The following SERPINA10 variants were observed in gnomAD, a reference collection of about 807,000 sequenced individuals.
SERPINA10 encodes the protein protein Z-dependent protease inhibitor.
Under a neutral mutation model 28.0 loss-of-function variants are expected in SERPINA10, and 24 were observed. That is an observed-to-expected ratio of 0.86 (90% CI 0.62 to 1.20). The LOEUF is 1.20. SERPINA10 is among the 50% of genes most tolerant of loss of function. The pLI is 0.00. For synonymous variants in SERPINA10, 207 were observed against 203.9 expected (o/e 1.02, Z -0.13); for missense variants, 521 against 537.7 (o/e 0.97, Z 0.31).
In SERPINA10 at chr14:94,282,137, G is replaced by A. The variant is rs1397391689; in HGVS notation, c.*1828C>T. On this transcript the variant is annotated 3_prime_UTR_variant, in exon 5 of 5. Coordinates refer to ENST00000261994, the MANE Select transcript of SERPINA10 (RefSeq NM_001100607.3). ...TTTATTAATATGCAGTCTAAATACT[G>A]ACTTTTCATCAGTCCAGGTTATGGA... 6.6e-6 allele frequency: 1 copy of A among 151,558 alleles called. No homozygotes were observed. Among genetic ancestry groups the A allele is most frequent in the African/African-American group, 2.4e-5 (1 of 41,186 alleles). 9.4% of individuals were successfully genotyped at this position (151,558 alleles called of 1,614,324 possible).
Position 94,282,728 on chromosome 14 carries a change from A to G in SERPINA10, c.*1237T>C, listed in dbSNP as rs991305223. ...CCATGAAGGTGTTTTGCTTATTGCCATATGCTAGACATATAACTTTGAAGC... is the reference window on the plus strand; with the variant it reads ...CCATGAAGGTGTTTTGCTTATTGCCGTATGCTAGACATATAACTTTGAAGC... On this transcript the variant is annotated 3_prime_UTR_variant, in exon 5 of 5. Transcript: ENST00000261994. 6.6e-6 allele frequency: 1 copy of G among 152,254 alleles called. No homozygotes were observed. Among genetic ancestry groups the G allele is most frequent in the Non-Finnish European group, 1.5e-5 (1 of 68,052 alleles). 9.4% of individuals were successfully genotyped at this position (152,254 alleles called of 1,614,324 possible).
At position 94,282,210 on chromosome 14, in the gene SERPINA10, T is replaced by G. The variant is rs1269855594; in HGVS notation, c.*1755A>C. The G allele has an allele frequency of 6.6e-6, 1 of 152,030 alleles. No individual in the cohort carries two copies. Among genetic ancestry groups the G allele is most frequent in the East Asian group, 1.9e-4 (1 of 5,144 alleles). The allele number at this position is 152,030 out of a possible 1,614,324, so 9.4% of individuals were successfully genotyped here. A position where few individuals can be genotyped will look rare whatever the true frequency, so the allele number is the denominator to read the frequency against. On this transcript the variant is annotated 3_prime_UTR_variant, in exon 5 of 5. Coordinates refer to ENST00000261994, the MANE Select transcript of SERPINA10 (RefSeq NM_001100607.3). ...ACTGCATATTAATATTATTACCTATTCACATTACTCTGAATTATATTAAAC... is the reference window on the plus strand; with the variant it reads ...ACTGCATATTAATATTATTACCTATGCACATTACTCTGAATTATATTAAAC...
intron 4 of SERPINA10, 28 bp from the exon 5 acceptor site, chr14:94,284,184 C>G (rs752684009): frequency 6.3e-7 from 1 of 1,597,110 alleles, no homozygotes; most frequent in Non-Finnish European, 8.6e-7. Flanking sequence ...TGTGAAAAAC[C>G]ATTTGTGTGG....
In SERPINA10 at chr14:94,282,007, A is replaced by G. The variant is rs1259925521; in HGVS notation, c.*1958T>C. ...ACAAACAAGGTGACTTAAGAATGTC[A>G]GATAGAGTTAGTCCTCTGTCTTTGG... is the stretch of plus-strand genomic sequence containing the variant. On this transcript the variant is annotated 3_prime_UTR_variant, in exon 5 of 5. Coordinates refer to ENST00000261994, the MANE Select transcript of SERPINA10 (RefSeq NM_001100607.3). 6.6e-6 allele frequency: 1 copy of G among 152,602 alleles called. No individual in the cohort carries two copies. Among genetic ancestry groups the G allele is most frequent in the Non-Finnish European group, 1.5e-5 (1 of 68,030 alleles). The allele number at this position is 152,602 out of a possible 1,614,324, so 9.5% of individuals were successfully genotyped here.
At chr14:94,286,382 G>C in intron 3 of SERPINA10, 124 bp from the exon 4 acceptor site, 1 of 1,043,002 alleles carries the variant, frequency 9.6e-7, no homozygotes, top group South Asian at 1.3e-5. Flanking sequence ...TGACTATGTA[G>C]TTCATGCCAT....
At chr14:94,292,464 T>A in intron 1 of SERPINA10, 1 of 619,794 alleles carries the variant, frequency 1.6e-6, no homozygotes, top group South Asian at 1.8e-5. Flanking sequence ...GCTAAAACGA[T>A]TACGTGGCAT....
intron 3 of SERPINA10, 132 bp from the exon 4 acceptor site, chr14:94,286,390 C>A (rs1158744334): frequency 1.0e-6 from 1 of 967,192 alleles, no homozygotes; most frequent in African/African-American, 1.6e-5. Flanking sequence ...TAGTTCATGC[C>A]ATTCTTTTAC....
chr14:94,286,257 T>C lies in SERPINA10; in HGVS notation c.994A>G (p.Asn332Asp). The C allele has an allele frequency of 6.2e-7, 1 of 1,613,758 alleles. No homozygotes were observed. Among genetic ancestry groups the C allele is most frequent in the Non-Finnish European group, 8.5e-7 (1 of 1,180,010 alleles). ...ETWLRNMKTR[N>D]MEVFFPKFKL... The stretch of plus-strand genomic sequence containing the variant: ...AACTTCGGAAAGAAAACTTCCATGT[T>C]TCTGTGGTACAAGAACAGATGATGG... Residue 332 changes from asparagine to aspartate, a missense_variant and splice_region_variant, in exon 4 of 5, where the codon AAC becomes GAC. Coordinates refer to ENST00000261994, the MANE Select transcript of SERPINA10 (RefSeq NM_001100607.3).
rs1334128807 is a variant in SERPINA10 at position 94,282,234 on chromosome 14, A to G, written c.*1731T>C. ...TTCACATTACTCTGAATTATATTAA[A>G]CAACTAATCAATAAATGAATTTTAG... is the stretch of plus-strand genomic sequence containing the variant. On this transcript the variant is annotated 3_prime_UTR_variant, in exon 5 of 5. Transcript: ENST00000261994. 6.6e-6 allele frequency: 1 copy of G among 152,056 alleles called. No homozygotes were observed. The highest frequency in any genetic ancestry group is 2.4e-5 in the African/African-American group (1 of 41,410). The allele number at this position is 152,056 out of a possible 1,614,324, so 9.4% of individuals were successfully genotyped here.
At position 94,283,848 on chromosome 14, in the gene SERPINA10, A is replaced by T; in HGVS notation, c.*117T>A. On this transcript the variant is annotated 3_prime_UTR_variant, in exon 5 of 5. Transcript: ENST00000261994. ...CTGTATTTATTTGAGAACACCCTAA[A>T]CTAGTTAAGAACAAAAGGAACACTC... is the stretch of plus-strand genomic sequence containing the variant. 1 of 1,027,104 alleles carries T rather than the reference A, an allele frequency of 9.7e-7. No individual in the cohort carries two copies. The highest frequency in any genetic ancestry group is 2.4e-5 in the East Asian group (1 of 41,420). 63.6% of individuals were successfully genotyped at this position (1,027,104 alleles called of 1,614,324 possible).
chr14:94,287,675 T>C (rs1169380376), intron 3 of SERPINA10, among the ~76,000 whole-genome samples: 1 of 152,238 alleles, frequency 6.6e-6, no homozygotes, highest in Non-Finnish European at 1.5e-5. Context: ...CCAAGTCTTT[T>C]CTGGGGACTG....
chr14:94,291,040 T>C (rs1895165320), intron 1 of SERPINA10, among the ~76,000 whole-genome samples: 1 of 152,182 alleles, frequency 6.6e-6, no homozygotes, highest in Admixed American at 6.5e-5. Flanking sequence ...GCCCTGACCA[T>C]CTGGTCGTCA....
At position 94,284,098 on chromosome 14, in the gene SERPINA10, A is replaced by AT. The variant is rs759795577; in HGVS notation, c.1201dup (p.Ile401AsnfsTer26). On this transcript the variant is annotated frameshift_variant, in exon 5 of 5. Transcript: ENST00000261994. LOFTEE classifies it low-confidence loss of function (END_TRUNC). The stretch of plus-strand genomic sequence containing the variant: ...GGAATAAGCAGTAATTTCTGACAAG[A>AT]TTCCTGCCACTGCCTCAGTGCCCCT... The AT allele has an allele frequency of 2.5e-6, 4 of 1,614,094 alleles. No individual in the cohort carries two copies. The highest frequency in any genetic ancestry group is 1.3e-5 in the African/African-American group (1 of 74,954).
rs776108658 is a variant in SERPINA10 at position 94,290,572 on chromosome 14, G to A, written c.22C>T (p.Leu8=). Residue 8 remains leucine (L), a synonymous_variant, in exon 2 of 5, where the codon CTG becomes TTG. Transcript: ENST00000261994. MKVVPSL[L]LSVLLAQVWL... is the part of the protein sequence containing the mutation. ...ACCTGTGCCAGGAGGACGGAGAGCA[G>A]GAGACTTGGCACCACCTTCATGTGA... The A allele has an allele frequency of 4.3e-6, 7 of 1,611,832 alleles. No homozygotes were observed. The East Asian group carries it at 1.3e-4, about 31-fold the overall frequency.
chr14:94,290,696 T>G, intron 1 of SERPINA10, 53 bp from the exon 2 acceptor site: 1 of 1,544,568 alleles, frequency 6.5e-7, no homozygotes, highest in Non-Finnish European at 8.7e-7. Flanking sequence ...AATGTCTTTG[T>G]GGATAGTAAA....
chr14:94,286,088 G>A lies in SERPINA10; in HGVS notation c.1143+20C>T, dbSNP rs1212783528. 6.2e-7 allele frequency: 1 copy of A among 1,613,992 alleles called. No homozygotes were observed. Among genetic ancestry groups the A allele is most frequent in the Non-Finnish European group, 8.5e-7 (1 of 1,179,872 alleles). ...ACATTTCATGCTGAGGTTGGGCTCT[G>A]ATGAAAGATCCTGACTTACCCTGGA... On this transcript the variant is annotated intron_variant, in intron 4 of 4. Coordinates refer to ENST00000261994, the MANE Select transcript of SERPINA10 (RefSeq NM_001100607.3).
intron 2 of SERPINA10, 63 bp from the exon 3 acceptor site, chr14:94,288,622 C>T (rs1895084819): frequency 1.3e-6 from 2 of 1,598,784 alleles, no homozygotes; most frequent in Non-Finnish European, 1.7e-6. Context: ...TGTTCTTGCT[C>T]AAATAATAGA....
rs1894937866 is a variant in SERPINA10, at chr14:94,283,153, C to T, written c.*812G>A. 1 of 152,192 alleles carries T rather than the reference C, an allele frequency of 6.6e-6. No individual in the cohort carries two copies. Among genetic ancestry groups the T allele is most frequent in the African/African-American group, 2.4e-5 (1 of 41,438 alleles). 9.4% of individuals were successfully genotyped at this position (152,192 alleles called of 1,614,324 possible). On this transcript the variant is annotated 3_prime_UTR_variant, in exon 5 of 5. Coordinates refer to ENST00000261994, the MANE Select transcript of SERPINA10 (RefSeq NM_001100607.3). The stretch of plus-strand genomic sequence containing the variant: ...AAGGAGAATGTTTACATGTGTTCCT[C>T]CCAAAGGCTTTATCTTGACATAGTG...
At chr14:94,288,652 C>G in intron 2 of SERPINA10, 93 bp from the exon 3 acceptor site, 1 of 1,487,124 alleles carries the variant, frequency 6.7e-7, no homozygotes, top group South Asian at 1.2e-5. Flanking sequence ...TTCTATCTCA[C>G]TTCTCTCACT....
Sources: allele counts gnomAD v4.1 joint callset (sites outside exome capture counted in the v4.1 genomes callset), GRCh38; gene constraint gnomAD v4.1.1; transcripts MANE v1.5; gene names NCBI Gene and HGNC (gene_info 2026-07-23, HGNC 2026-07-21).